The following TCF3 variants were observed in gnomAD, a reference collection of about 807,000 sequenced individuals.
The protein encoded by TCF3 is transcription factor 3.
Under a neutral mutation model 72.3 loss-of-function variants are expected in TCF3, and 54 were observed. The ratio of observed to expected loss-of-function variants is 0.75; its 90% confidence interval spans 0.60 to 0.94. The LOEUF is 0.94. Among genes scored for constraint, TCF3 ranks in the 40% least tolerant of loss-of-function variants. The probability of loss-of-function intolerance (pLI) is 0.00; values close to 1 mark genes in which losing one functional copy is unlikely to be tolerated. For synonymous variants in TCF3, 525 were observed against 412.6 expected (o/e 1.27, Z -3.30); for missense variants, 1,078 against 934.4 (o/e 1.15, Z -2.00).
At chr19:1,630,168 G>A (rs1232264185) in intron 5 of TCF3, among the ~76,000 whole-genome samples, 1 of 152,192 alleles carries the variant, frequency 6.6e-6, no homozygotes, top group African/African-American at 2.4e-5. Flanking sequence ...CCCACCCTGG[G>A]GCCATCGGGG....
chr19:1,645,738 C>T (rs572794898), intron 3 of TCF3, among the ~76,000 whole-genome samples: 199 of 152,298 alleles, frequency 1.3e-3, no homozygotes, highest in Admixed American at 3.0e-3. Flanking sequence ...CTATCTGTCC[C>T]GCCCACTGCT....
rs762685234 is a variant in TCF3 at position 1,622,307 on chromosome 19, A to G, written c.652+6T>C. 5.9e-6 allele frequency: 9 copies of G among 1,525,110 alleles called. No homozygotes were observed. The highest frequency in any genetic ancestry group is 1.4e-5 in the African/African-American group (1 of 73,202). 94.5% of individuals were successfully genotyped at this position (1,525,110 alleles called of 1,614,324 possible). A position where few individuals can be genotyped will look rare whatever the true frequency, so the allele number is the denominator to read the frequency against. ...GTCCCTGGCGAGCCCCCGCCCTGCC[A>G]TGTACCTGCCACGTAGAAGGGGGCG... On this transcript the variant is annotated splice_donor_region_variant and intron_variant, in intron 9 of 18. Coordinates refer to ENST00000262965, the MANE Select transcript of TCF3 (RefSeq NM_003200.5).
In TCF3 at chr19:1,619,835, C is replaced by G; in HGVS notation, c.1112G>C (p.Arg371Pro). 1 of 1,578,270 alleles carries G rather than the reference C, an allele frequency of 6.3e-7. No homozygotes were observed. The highest frequency in any genetic ancestry group is 8.6e-7 in the Non-Finnish European group (1 of 1,163,042). ...CGATAAGGCACCGGGGGCTCCTGCT[C>G]GAGGCCACTGTGACGTTCCTGGAAG... ...QGLAGTSQWP[R>P]AGAPGALSPS... Residue 371 changes from arginine (R) to proline (P), a missense_variant, in exon 14 of 19, where the codon CGA (arginine) becomes CCA (proline). Coordinates refer to ENST00000262965, the MANE Select transcript of TCF3 (RefSeq NM_003200.5).
chr19:1,615,833 C>CT lies in TCF3; in HGVS notation c.1451-13dup. On this transcript the variant is annotated splice_polypyrimidine_tract_variant and intron_variant, in intron 16 of 18. Coordinates refer to ENST00000262965, the MANE Select transcript of TCF3 (RefSeq NM_003200.5). This position sits in a 1 kb window ranked among gnomAD's most constrained non-coding sequence, Gnocchi z 7.3. ...TGCTCGCCCTAGCCCTGCAACAGGC[C>CT]TAGGGTCAGGGGCCTGCGTCGGCCT... 1 of 1,539,578 alleles carries CT rather than the reference C, an allele frequency of 6.5e-7. No homozygotes were observed. Among genetic ancestry groups the CT allele is most frequent in the South Asian group, 1.3e-5 (1 of 79,670 alleles).
chr19:1,631,903 C>G, intron 5 of TCF3, 135 bp downstream of exon 5: 1 of 1,531,882 alleles, frequency 6.5e-7, no homozygotes, highest in Non-Finnish European at 8.8e-7. Flanking sequence ...CCAGGACGGG[C>G]AGAGGCTTCG....
chr19:1,625,300 G>A (rs981682147), intron 7 of TCF3, among the ~76,000 whole-genome samples: 1 of 152,252 alleles, frequency 6.6e-6, no homozygotes, highest in African/African-American at 2.4e-5. Context: ...ATCTGACACA[G>A]AAAGCACATG....
At chr19:1,643,323 C>A (rs1011007426) in intron 3 of TCF3, among the ~76,000 whole-genome samples, 2 of 152,192 alleles carry the variant, frequency 1.3e-5, no homozygotes, top group African/African-American at 4.8e-5. Context: ...CAGGCTCCAG[C>A]AATCCTCCTG....
rs767040471 is a variant in TCF3 at position 1,621,959 on chromosome 19, C to A, written c.834G>T (p.Leu278=). Residue 278 remains leucine, a synonymous_variant, in exon 11 of 19, where the codon CTG becomes CTT. Coordinates refer to ENST00000262965, the MANE Select transcript of TCF3 (RefSeq NM_003200.5). ...GCCCACCGTTCACCTCTGCTCCATG[C>A]AGCTGGTAGCCCTGGGGGGTCAGGC... The part of the protein sequence containing the change: ...LHQHERMGYQ[L]HGAEVNGGLP... 16 of 1,605,694 alleles carry A rather than the reference C, an allele frequency of 1.0e-5. No homozygotes were observed. The highest frequency in any genetic ancestry group is 1.4e-5 in the Non-Finnish European group (16 of 1,176,674).
At position 1,611,457 on chromosome 19, in the gene TCF3, C is replaced by T. The variant is rs912822747; in HGVS notation, c.*250G>A. On this transcript the variant is annotated 3_prime_UTR_variant, in exon 19 of 19. Coordinates refer to ENST00000262965, the MANE Select transcript of TCF3 (RefSeq NM_003200.5). ...CCATGGGACAGGTCACAGAGTGACA[C>T]GGTGGCTGAGATTCGGGGACAGGGG... 15 of 486,680 alleles carry T rather than the reference C, an allele frequency of 3.1e-5. No individual in the cohort carries two copies. The highest frequency in any genetic ancestry group is 9.7e-5 in the East Asian group (3 of 31,072). The allele number at this position is 486,680 out of a possible 1,614,324, so 30.1% of individuals were successfully genotyped here.
In TCF3 at chr19:1,624,015, A is replaced by AGGGGTGAG; in HGVS notation, c.500-23_500-16dup. The AGGGGTGAG allele has an allele frequency of 6.2e-7, 1 of 1,613,004 alleles. No homozygotes were observed. Among genetic ancestry groups the AGGGGTGAG allele is most frequent in the South Asian group, 1.1e-5 (1 of 90,978 alleles). On this transcript the variant is annotated splice_polypyrimidine_tract_variant and intron_variant, in intron 7 of 18. Coordinates refer to ENST00000262965, the MANE Select transcript of TCF3 (RefSeq NM_003200.5). ...GGGCTGCGTGTCTGTTAGAAGCAAA[A>AGGGGTGAG]GGGGTGAGAACCGGCCACCGGCCAT...
At chr19:1,632,466 C>A in intron 3 of TCF3, 61 bp from the exon 4 acceptor site, 4 of 1,516,738 alleles carry the variant, frequency 2.6e-6, no homozygotes, top group East Asian at 4.9e-5. Context: ...CTAAAAGCTT[C>A]GGTTCATCAT....
chr19:1,637,320 C>A (rs1282753247), intron 3 of TCF3, among the ~76,000 whole-genome samples: 1 of 151,898 alleles, frequency 6.6e-6, no homozygotes, highest in African/African-American at 2.4e-5. Context: ...CTACCAGAAC[C>A]GAGGACAACC....
At chr19:1,617,545 G>A (rs1009894878) in intron 16 of TCF3, among the ~76,000 whole-genome samples, 8 of 152,212 alleles carry the variant, frequency 5.3e-5, no homozygotes, top group African/African-American at 1.9e-4. Flanking sequence ...ATCAGTCAGG[G>A]CTCACATGGA....
chr19:1,644,157 C>T (rs1419382274), intron 3 of TCF3, among the ~76,000 whole-genome samples: 2 of 152,234 alleles, frequency 1.3e-5, no homozygotes, highest in Non-Finnish European at 2.9e-5. Context: ...GCTCCTGGGC[C>T]CTGCCGGGAT....
intron 3 of TCF3, among the ~76,000 whole-genome samples, chr19:1,644,986 G>A (rs1436417760): frequency 1.3e-5 from 2 of 152,138 alleles, no homozygotes; most frequent in East Asian, 3.9e-4. Flanking sequence ...CTGGCAGGGT[G>A]GCGTTTGGGG....
intron 3 of TCF3, among the ~76,000 whole-genome samples, chr19:1,644,367 CG>C (rs200785180): frequency 0.035 from 5,369 of 151,710 alleles, 167 homozygotes; most frequent in Non-Finnish European, 0.055. Flanking sequence ...CGGGCTCAGG[CG>C]GGCGTTAACT....
At chr19:1,649,090 G>A (rs2066593868) in intron 2 of TCF3, among the ~76,000 whole-genome samples, 1 of 152,184 alleles carries the variant, frequency 6.6e-6, no homozygotes, top group South Asian at 2.1e-4. Flanking sequence ...GGCCGTACAG[G>A]GACAGATCCA....
At chr19:1,639,928 G>T (rs2065003454) in intron 3 of TCF3, among the ~76,000 whole-genome samples, 1 of 152,048 alleles carries the variant, frequency 6.6e-6, no homozygotes, top group Non-Finnish European at 1.5e-5. Flanking sequence ...AAAAACTTTA[G>T]AAAGAGAAGA....
At chr19:1,648,233 C>G (rs1356854540) in intron 2 of TCF3, among the ~76,000 whole-genome samples, 1 of 152,232 alleles carries the variant, frequency 6.6e-6, no homozygotes, top group African/African-American at 2.4e-5. Flanking sequence ...AGGACCCAGC[C>G]TCGGCAGGGG....
Sources: gnomAD v4.1 joint callset for allele counts (sites outside exome capture counted in the v4.1 genomes callset) on GRCh38, gnomAD v4.1.1 for gene constraint, Gnocchi (gnomAD v3.1) non-coding constraint, MANE v1.5 for transcripts, NCBI Gene and HGNC (gene_info 2026-07-23, HGNC 2026-07-21) for gene names.